Variants in ZNF618 observed in about 807,000 individuals in gnomAD.
The protein encoded by ZNF618 is zinc finger protein 618.
ZNF618 carries 34 observed loss-of-function variants against 103.0 expected under a neutral mutation model. The observed-to-expected ratio is 0.33, with a 90% CI of 0.25 to 0.44. ZNF618 has a LOEUF of 0.44. ZNF618 is among the 20% of genes least tolerant of loss of function. ZNF618 has a pLI of 1.00. For synonymous variants in ZNF618, 551 were observed against 542.2 expected (o/e 1.02, Z -0.23); for missense variants, 1,059 against 1,295.4 (o/e 0.82, Z 2.80).
chr9:113,904,037 A>G (rs1305264748), intron 1 of ZNF618, among the ~76,000 whole-genome samples: 1 of 148,844 alleles, frequency 6.7e-6, no homozygotes, highest in Non-Finnish European at 1.5e-5. Context: ...AAGGATTCCA[A>G]TTGCATGTAT....
intron 2 of ZNF618, among the ~76,000 whole-genome samples, chr9:113,973,939 A>G (rs913799342): frequency 2.6e-5 from 4 of 152,192 alleles, no homozygotes; most frequent in African/African-American, 9.7e-5. Flanking sequence ...CTTGTAGACA[A>G]GGAGATTGGG....
At chr9:113,918,558 T>C (rs1055885058) in intron 1 of ZNF618, among the ~76,000 whole-genome samples, 1 of 152,192 alleles carries the variant, frequency 6.6e-6, no homozygotes, top group African/African-American at 2.4e-5. Flanking sequence ...GATCTCTCCT[T>C]TCTCCTCCAT....
chr9:114,006,553 A>G (rs1384161146), intron 6 of ZNF618, among the ~76,000 whole-genome samples: 1 of 152,246 alleles, frequency 6.6e-6, no homozygotes, highest in Non-Finnish European at 1.5e-5. Flanking sequence ...GGGATCATCC[A>G]AACTCCAACC....
intron 13 of ZNF618, among the ~76,000 whole-genome samples, chr9:114,044,417 A>C (rs1252427169): frequency 1.3e-5 from 2 of 152,178 alleles, no homozygotes; most frequent in South Asian, 2.1e-4. Context: ...TTTTTATGCC[A>C]GTACTATGCT....
chr9:113,914,733 T>C (rs115454083), intron 1 of ZNF618, among the ~76,000 whole-genome samples: 8,424 of 152,212 alleles, frequency 0.055, 378 homozygotes, highest in African/African-American at 0.12. Context: ...GAGGGCTGGG[T>C]AGGGGAAGGG....
At chr9:113,964,239 G>T (rs700124) in intron 1 of ZNF618, among the ~76,000 whole-genome samples, 10 of 152,070 alleles carry the variant, frequency 6.6e-5, no homozygotes, top group African/African-American at 2.4e-4. Context: ...CCTCAGGCTC[G>T]GTTCTCTTAT....
At chr9:114,016,192 G>A (rs750565197) in intron 9 of ZNF618, 1 of 1,610,360 alleles carries the variant, frequency 6.2e-7, no homozygotes, top group Non-Finnish European at 8.5e-7. Context: ...AAGTCGGGTG[G>A]GACTTGAGAG....
At chr9:114,022,032 C>G (rs898825228) in intron 10 of ZNF618, among the ~76,000 whole-genome samples, 2 of 152,028 alleles carry the variant, frequency 1.3e-5, no homozygotes, top group Admixed American at 6.5e-5. Flanking sequence ...AGTTCTGGAG[C>G]TAATACAAAT....
intron 4 of ZNF618, among the ~76,000 whole-genome samples, chr9:114,000,154 C>T (rs141235660): frequency 3.7e-4 from 57 of 152,280 alleles, no homozygotes; most frequent in African/African-American, 1.2e-3. Flanking sequence ...AGGATGACAG[C>T]GGCCCTTGGA....
intron 1 of ZNF618, among the ~76,000 whole-genome samples, chr9:113,967,932 A>G (rs938499962): frequency 2.6e-5 from 3 of 113,804 alleles, no homozygotes; most frequent in African/African-American, 1.0e-4. Context: ...GCCTTTTTTC[A>G]GTGCAATTCT....
At chr9:113,991,281 G>A (rs1427253124) in intron 3 of ZNF618, among the ~76,000 whole-genome samples, 2 of 152,186 alleles carry the variant, frequency 1.3e-5, no homozygotes, top group African/African-American at 4.8e-5. Flanking sequence ...TGTTACATGA[G>A]GCATGGCCCC....
intron 12 of ZNF618, among the ~76,000 whole-genome samples, chr9:114,035,465 C>T (rs1444981773): frequency 6.6e-6 from 1 of 152,204 alleles, no homozygotes; most frequent in Admixed American, 6.5e-5. Flanking sequence ...GGCTCTGCTG[C>T]CCCAGCCCTG....
At chr9:114,003,874 C>T (rs574571936) in intron 6 of ZNF618, among the ~76,000 whole-genome samples, 7 of 152,158 alleles carry the variant, frequency 4.6e-5, no homozygotes, top group African/African-American at 9.7e-5. Context: ...ATAGCCCAGA[C>T]GTCTCCGTCG....
At chr9:113,990,817 C>T (rs1449407710) in intron 3 of ZNF618, among the ~76,000 whole-genome samples, 2 of 152,124 alleles carry the variant, frequency 1.3e-5, no homozygotes, top group African/African-American at 4.8e-5. Context: ...TGGGGAGGCG[C>T]AGGAGTGACT....
At chr9:114,045,049 GT>G (rs944030028) in intron 13 of ZNF618, among the ~76,000 whole-genome samples, 2 of 150,992 alleles carry the variant, frequency 1.3e-5, no homozygotes, top group African/African-American at 2.4e-5. Context: ...TTTTTAATTG[GT>G]TTTTTTTGGA....
Position 114,032,641 on chromosome 9 carries a change from C to T in ZNF618, c.1085-4C>T, listed in dbSNP as rs1844190755. ...TTTCTTTCTCTCTCCTGTCCCCCAC[C>T]CAGCAGAAAGCGCTTTCAGTCGGAG... is the stretch of plus-strand genomic sequence containing the variant. On this transcript the variant is annotated splice_region_variant and splice_polypyrimidine_tract_variant and intron_variant, in intron 11 of 14. Transcript: ENST00000374126. The T allele has an allele frequency of 1.2e-6, 2 of 1,613,912 alleles. No homozygotes were observed. Among genetic ancestry groups the T allele is most frequent in the Admixed American group, 1.7e-5 (1 of 60,032 alleles).
At chr9:114,023,081 T>G (rs1843207922) in intron 10 of ZNF618, among the ~76,000 whole-genome samples, 1 of 152,140 alleles carries the variant, frequency 6.6e-6, no homozygotes, top group Non-Finnish European at 1.5e-5. Flanking sequence ...TCCAGTCTGG[T>G]AATCCCTGCC....
intron 3 of ZNF618, among the ~76,000 whole-genome samples, chr9:113,994,198 G>A (rs957725419): frequency 9.9e-5 from 15 of 152,242 alleles, no homozygotes; most frequent in African/African-American, 3.4e-4. Context: ...AGGCTATGGC[G>A]CTGGAAGGAG....
intron 1 of ZNF618, among the ~76,000 whole-genome samples, chr9:113,961,849 G>A (rs1383630874): frequency 1.3e-5 from 2 of 152,214 alleles, no homozygotes; most frequent in Non-Finnish European, 2.9e-5. Flanking sequence ...CTGTGCCTGA[G>A]TTGGAGCTCT....
Sources: allele counts gnomAD v4.1 joint callset (sites outside exome capture counted in the v4.1 genomes callset), GRCh38; gene constraint gnomAD v4.1.1; transcripts MANE v1.5; gene names NCBI Gene and HGNC (gene_info 2026-07-23, HGNC 2026-07-21).